Variants in SAAL1 observed in about 807,000 individuals in gnomAD.
SAAL1 encodes the protein serum amyloid A like 1, also known as protein SAAL1.
A neutral mutation model predicts 59.8 loss-of-function variants in SAAL1; 42 were observed. The ratio of observed to expected loss-of-function variants is 0.70; its 90% CI spans 0.55 to 0.91. SAAL1 has a LOEUF of 0.91. SAAL1 is among the 40% of genes least tolerant of loss of function. The pLI, the probability that SAAL1 is intolerant of heterozygous loss-of-function variation, is 0.00. For missense variants in SAAL1, 542 were observed against 561.1 expected, an observed-to-expected ratio of 0.97 and a Z score of 0.34; for synonymous variants, 191 against 194.3, an observed-to-expected ratio of 0.98 and a Z score of 0.14.
chr11:18,104,751 T>C (rs1182901330), intron 1 of SAAL1, among the ~76,000 whole-genome samples: 1 of 152,102 alleles, frequency 6.6e-6, no homozygotes, highest in African/African-American at 2.4e-5. Flanking sequence ...CAGTTCAGAG[T>C]TGATGGAACA....
chr11:18,090,601 C>G, intron 4 of SAAL1, 108 bp from the exon 5 acceptor site: 1 of 1,197,346 alleles, frequency 8.4e-7, no homozygotes, highest in Non-Finnish European at 1.2e-6. Context: ...AGCATATATT[C>G]AGAAAAGCTC....
intron 9 of SAAL1, among the ~76,000 whole-genome samples, chr11:18,084,357 C>T (rs7120998): frequency 0.13 from 19,630 of 152,168 alleles, 2,237 homozygotes; most frequent in African/African-American, 0.31. Context: ...CCTATTAAAG[C>T]CAGCTCATGC....
intron 2 of SAAL1, among the ~76,000 whole-genome samples, chr11:18,098,968 C>T (rs1417051629): frequency 6.6e-6 from 1 of 152,214 alleles, no homozygotes; most frequent in Non-Finnish European, 1.5e-5. Flanking sequence ...ACTCTATCAA[C>T]TAGTTATCAT....
At position 18,090,237 on chromosome 11, in the gene SAAL1, C is replaced by T. The variant is rs75859318; in HGVS notation, c.527G>A (p.Arg176Lys). 2.7e-4 allele frequency: 442 copies of T among 1,609,342 alleles called. 3 individuals are homozygous for T. In the African/African-American group the frequency reaches 4.9e-3, roughly 18 times the overall value. Residue 176 changes from arginine to lysine, a missense_variant, in exon 6 of 12, where the codon AGG becomes AAG. Arg to Lys is a conservative substitution (Grantham distance 26). Transcript: ENST00000524803. ...QAEVASVWVE[R>K]IQEHPAIYDS... ...ATAAATAGCTGGATGTTCCTGGATC[C>T]TTTCAACCCAAACACTGGCCACTTC...
At chr11:18,091,938 T>G (rs970159519) in intron 4 of SAAL1, among the ~76,000 whole-genome samples, 1 of 152,242 alleles carries the variant, frequency 6.6e-6, no homozygotes, top group African/African-American at 2.4e-5. Context: ...TAAACTGTTT[T>G]GGATTCCAGT....
At chr11:18,087,416 TAAAC>T (rs1180529889) in intron 7 of SAAL1, among the ~76,000 whole-genome samples, 191 bp from the exon 8 acceptor site, 1 of 151,944 alleles carries the variant, frequency 6.6e-6, no homozygotes, top group African/African-American at 2.4e-5. Flanking sequence ...CAGCAAAAAA[TAAAC>T]AAATATTATA....
In SAAL1 at chr11:18,087,042, T is replaced by C; in HGVS notation, c.866A>G (p.Asp289Gly). Reference sequence around the variant, plus strand: ...TAAATTCCAAATGTCTTTTCCAGTGTCAGGACAATGTACTTAATAAAGAGG... The same window carrying C: ...TAAATTCCAAATGTCTTTTCCAGTGCCAGGACAATGTACTTAATAAAGAGG... ...DGIQAIVHCPDTGKDIWNLLF... is the reference protein window; with the variant it reads ...DGIQAIVHCPGTGKDIWNLLF... Residue 289 changes from aspartate to glycine, a missense_variant, in exon 9 of 12, where the codon GAC becomes GGC. Physicochemically the swap from Asp to Gly is moderately conservative, Grantham distance 94. Transcript: ENST00000524803. 1 of 1,613,598 alleles carries C rather than the reference T, an allele frequency of 6.2e-7. No individual in the cohort carries two copies.
intron 3 of SAAL1, among the ~76,000 whole-genome samples, chr11:18,094,244 G>A (rs1848550767): frequency 1.3e-5 from 2 of 152,106 alleles, no homozygotes; most frequent in South Asian, 4.1e-4. Flanking sequence ...TTGAACACAG[G>A]TTTGAATGTG....
In SAAL1 at chr11:18,105,956, G is replaced by A; in HGVS notation, c.86C>T (p.Thr29Met). 1 of 1,608,938 alleles carries A rather than the reference G, an allele frequency of 6.2e-7. No homozygotes were observed. ...EVAGGDCIGS[T>M]VYSKHWLFGV... ...GAAGAGCCAGTGTTTGCTGTAGACC[G>A]TGCTCCCTATGCAGTCTCCACCGGC... The change falls in exon 1 of 12, where the codon ACG becomes ATG. Residue 29 changes from threonine to methionine, a missense_variant. Coordinates refer to ENST00000524803, the MANE Select transcript of SAAL1 (RefSeq NM_138421.3).
Position 18,106,028 on chromosome 11 carries a change from G to T in SAAL1, c.14C>A (p.Pro5His). 6.2e-7 allele frequency: 1 copy of T among 1,606,774 alleles called. No homozygotes were observed. The highest frequency in any genetic ancestry group is 8.5e-7 in the Non-Finnish European group (1 of 1,179,120). ...GTCGCGACCCGGCGGCGGCGGCGAG[G>T]GGTTGCGGTCCATGACTTTGTCGCG... MDRN[P>H]SPPPPGRDKE... is the part of the protein sequence containing the mutation. The change falls in exon 1 of 12, where the codon CCC becomes CAC. Residue 5 changes from proline to histidine, a missense_variant. Physicochemically the swap from Pro to His is moderately conservative, Grantham distance 77. Transcript: ENST00000524803.
intron 3 of SAAL1, among the ~76,000 whole-genome samples, 162 bp from the exon 4 acceptor site, chr11:18,092,486 G>A (rs1461529956): frequency 6.6e-6 from 1 of 152,140 alleles, no homozygotes; most frequent in Non-Finnish European, 1.5e-5. Context: ...ACCTTGACAA[G>A]CTTACAGTAT....
intron 6 of SAAL1, 68 bp downstream of exon 6, chr11:18,090,107 G>C: frequency 7.2e-7 from 1 of 1,385,928 alleles, no homozygotes; most frequent in East Asian, 2.5e-5. Flanking sequence ...TCTAGAAATA[G>C]TTACATGGTT....
intron 2 of SAAL1, among the ~76,000 whole-genome samples, chr11:18,101,408 T>C (rs1848631716): frequency 6.6e-6 from 1 of 152,148 alleles, no homozygotes; most frequent in Non-Finnish European, 1.5e-5. Context: ...GCTGTTCTCA[T>C]GATAATGAGT....
Position 18,083,718 on chromosome 11 carries a change from TAGA to T in SAAL1, c.1053_1055del (p.Leu352del), listed in dbSNP as rs1391948240. 1.9e-6 allele frequency: 3 copies of T among 1,605,718 alleles called. No individual in the cohort carries two copies. The highest frequency in any genetic ancestry group is 1.7e-6 in the Non-Finnish European group (2 of 1,176,392). On this transcript the variant is annotated inframe_deletion, in exon 10 of 12. Coordinates refer to ENST00000524803, the MANE Select transcript of SAAL1 (RefSeq NM_138421.3). The stretch of plus-strand genomic sequence containing the variant: ...GTAAGACCCGAATGAGGCTGTCAAT[TAGA>T]GGAAGATCTACTGTATAAACAAATC...
intron 7 of SAAL1, among the ~76,000 whole-genome samples, chr11:18,088,986 G>C (rs533677320): frequency 1.5e-4 from 23 of 151,930 alleles, no homozygotes; most frequent in Middle Eastern, 3.4e-3. Flanking sequence ...TAAACACAAG[G>C]AGCAAAAAAA....
intron 9 of SAAL1, among the ~76,000 whole-genome samples, chr11:18,086,491 G>A (rs1365626836): frequency 1.3e-5 from 2 of 152,168 alleles, no homozygotes; most frequent in South Asian, 4.1e-4. Context: ...CTGAGGTCGG[G>A]AGTTCGAGCC....
At chr11:18,092,460 T>C (rs1405053742) in intron 3 of SAAL1, 136 bp from the exon 4 acceptor site, 3 of 642,928 alleles carry the variant, frequency 4.7e-6, no homozygotes, top group Non-Finnish European at 5.6e-6. Context: ...GAAATACATA[T>C]ACTGCCTGTA....
chr11:18,092,343 C>G lies in SAAL1; in HGVS notation c.334-19G>C. ...AGATTTCCTGCCAAATCAAATTTTA[C>G]AAGTCACAATGGCTCTGAGACGAAA... On this transcript the variant is annotated intron_variant, in intron 3 of 11. Coordinates refer to ENST00000524803, the MANE Select transcript of SAAL1 (RefSeq NM_138421.3). 1 of 1,495,768 alleles carries G rather than the reference C, an allele frequency of 6.7e-7. No homozygotes were observed. The highest frequency in any genetic ancestry group is 9.3e-7 in the Non-Finnish European group (1 of 1,074,230). 92.7% of individuals were successfully genotyped at this position (1,495,768 alleles called of 1,614,324 possible). A position where few individuals can be genotyped will look rare whatever the true frequency, so the allele number is the denominator to read the frequency against.
At chr11:18,101,826 A>G (rs1427968738) in intron 2 of SAAL1, among the ~76,000 whole-genome samples, 1 of 150,870 alleles carries the variant, frequency 6.6e-6, no homozygotes, top group Non-Finnish European at 1.5e-5. Context: ...GCAATAAAAA[A>G]AAAAAAAAAA....
Sources: gnomAD v4.1 joint callset for allele counts (sites outside exome capture counted in the v4.1 genomes callset) on GRCh38, gnomAD v4.1.1 for gene constraint, MANE v1.5 for transcripts, NCBI Gene and HGNC (gene_info 2026-07-23, HGNC 2026-07-21) for gene names.